CAMK4: variants seen among roughly 807,000 people sequenced by gnomAD.
CAMK4 encodes the protein calcium/calmodulin dependent protein kinase IV.
Under a neutral mutation model 44.9 loss-of-function variants are expected in CAMK4, and 22 were observed. The observed-to-expected ratio is 0.49, with a 90% CI of 0.35 to 0.70. The LOEUF (loss-of-function observed/expected upper bound fraction) is 0.70, where lower values mean the gene tolerates loss of function less well. CAMK4 is among the 30% of genes least tolerant of loss of function. CAMK4 has a pLI of 0.01. For synonymous variants in CAMK4, 218 were observed against 215.4 expected, an observed-to-expected ratio of 1.01 and a Z score of -0.11; for missense variants, 498 against 586.8, an observed-to-expected ratio of 0.85 and a Z score of 1.56.
chr5:111,368,622 A>G (rs916914820), intron 2 of CAMK4, among the ~76,000 whole-genome samples: 1 of 152,058 alleles, frequency 6.6e-6, no homozygotes, highest in Admixed American at 6.6e-5. Flanking sequence ...TGGCTTCAGT[A>G]TGGTCTTATC....
At chr5:111,419,072 G>A (rs1169335772) in intron 5 of CAMK4, among the ~76,000 whole-genome samples, 9 of 152,090 alleles carry the variant, frequency 5.9e-5, no homozygotes, top group South Asian at 2.1e-4. Flanking sequence ...GTGTAAAAAT[G>A]TTCCTATTTC....
At chr5:111,427,443 G>A (rs1554070822) in intron 5 of CAMK4, among the ~76,000 whole-genome samples, 1 of 152,174 alleles carries the variant, frequency 6.6e-6, no homozygotes, top group Non-Finnish European at 1.5e-5. Flanking sequence ...CACCAAGTGG[G>A]TTCTTGGCAG....
chr5:111,365,383 G>A (rs917825675), intron 2 of CAMK4, among the ~76,000 whole-genome samples: 3 of 152,074 alleles, frequency 2.0e-5, no homozygotes, highest in Admixed American at 6.6e-5. Flanking sequence ...AGGAAGAATC[G>A]AGGAAGTGGT....
chr5:111,235,034 G>A (rs1748651873), intron 1 of CAMK4, among the ~76,000 whole-genome samples: 1 of 152,164 alleles, frequency 6.6e-6, no homozygotes, highest in African/African-American at 2.4e-5. Context: ...CCCTATTTTA[G>A]GTCTTTATGG....
At position 111,418,079 on chromosome 5, in the gene CAMK4, C is replaced by T. The variant is rs1159621265; in HGVS notation, c.459+23297C>T. The stretch of plus-strand genomic sequence containing the variant: ...AAATATATCTGTTGGGGAATCTGCC[C>T]CCATATTCACGTAGGTTCTTTTCTG... On this transcript the variant is annotated intron_variant, in intron 5 of 10. Coordinates refer to ENST00000282356, the MANE Select transcript of CAMK4 (RefSeq NM_001744.6). Among the ~76,000 whole-genome samples, 4 of 151,972 alleles carry T rather than the reference C, an allele frequency of 2.6e-5. No homozygotes were observed. The East Asian group carries it at 7.7e-4, about 29-fold the overall frequency.
chr5:111,460,184 G>A (rs1477282983), intron 7 of CAMK4, among the ~76,000 whole-genome samples: 1 of 150,742 alleles, frequency 6.6e-6, no homozygotes, highest in Non-Finnish European at 1.5e-5. Flanking sequence ...AGTTTTGCAA[G>A]AATTATTATT....
chr5:111,268,462 C>A (rs1044999778), intron 1 of CAMK4, among the ~76,000 whole-genome samples: 1 of 152,084 alleles, frequency 6.6e-6, no homozygotes, highest in African/African-American at 2.4e-5. Flanking sequence ...TTTGGCAAGC[C>A]CCTTGAATTT....
In CAMK4 at chr5:111,440,666, A is replaced by C. The variant is rs542610575; in HGVS notation, c.460-6020A>C. ...TATTAAATTAGAAAAAGGAATCAAA[A>C]GCCAGGTAGAGGAAGGAAGAGGTAA... is the stretch of plus-strand genomic sequence containing the variant. On this transcript the variant is annotated intron_variant, in intron 5 of 10. Transcript: ENST00000282356. 2.0e-5 allele frequency among the ~76,000 whole-genome samples: 3 copies of C among 152,356 alleles called. No homozygotes were observed. The East Asian group carries it at 5.8e-4, about 29-fold the overall frequency.
chr5:111,476,358 C>T (rs1290185644), intron 8 of CAMK4, among the ~76,000 whole-genome samples: 1 of 151,850 alleles, frequency 6.6e-6, no homozygotes. Flanking sequence ...CGGCTCACTG[C>T]AACCTCCGCC....
rs1749170985 is a variant in CAMK4 at position 111,245,057 on chromosome 5, T to C, written c.161+20413T>C. ...ATTGATGGATTGATGAATATATTAC[T>C]AGAATATTTAGCAAAACTCACATGG... On this transcript the variant is annotated intron_variant, in intron 1 of 10. Coordinates refer to ENST00000282356, the MANE Select transcript of CAMK4 (RefSeq NM_001744.6). Among the ~76,000 whole-genome samples, 3 of 152,174 alleles carry C rather than the reference T, an allele frequency of 2.0e-5. No individual in the cohort carries two copies. In the South Asian group the frequency reaches 6.2e-4, roughly 32 times the overall value.
intron 5 of CAMK4, among the ~76,000 whole-genome samples, chr5:111,399,241 T>C (rs907838723): frequency 6.6e-6 from 1 of 152,008 alleles, no homozygotes; most frequent in African/African-American, 2.4e-5. Context: ...CATCTCAGAG[T>C]AGTTGTCATT....
At chr5:111,316,765 G>GAGCAAGC (rs1158257383) in intron 1 of CAMK4, among the ~76,000 whole-genome samples, 1 of 152,104 alleles carries the variant, frequency 6.6e-6, no homozygotes, top group Non-Finnish European at 1.5e-5. Flanking sequence ...AAATCACCAG[G>GAGCAAGC]AGCAAGCAAT....
chr5:111,346,141 T>C (rs540076577), intron 2 of CAMK4, among the ~76,000 whole-genome samples: 55 of 152,066 alleles, frequency 3.6e-4, no homozygotes, highest in Non-Finnish European at 7.8e-4. Context: ...TCACGGAGAC[T>C]GAAACTTCCT....
intron 4 of CAMK4, among the ~76,000 whole-genome samples, chr5:111,388,047 AG>A (rs1453070630): frequency 5.9e-5 from 9 of 152,196 alleles, no homozygotes; most frequent in Admixed American, 5.9e-4. Context: ...GGGATGTCTG[AG>A]TTTCAGAAAA....
intron 1 of CAMK4, among the ~76,000 whole-genome samples, chr5:111,322,312 G>T (rs2112697600): frequency 1.3e-5 from 2 of 152,120 alleles, no homozygotes; most frequent in East Asian, 3.9e-4. Flanking sequence ...GCCAGGCCAG[G>T]GTGGAGAAAC....
At chr5:111,241,321 G>A (rs1358221532) in intron 1 of CAMK4, among the ~76,000 whole-genome samples, 1 of 152,084 alleles carries the variant, frequency 6.6e-6, no homozygotes, top group African/African-American at 2.4e-5. Context: ...TACTGGACAA[G>A]TATCCTGTGG....
intron 2 of CAMK4, among the ~76,000 whole-genome samples, chr5:111,357,235 A>C (rs1436488935): frequency 6.6e-6 from 1 of 152,076 alleles, no homozygotes; most frequent in Non-Finnish European, 1.5e-5. Context: ...GAGTTTAAGA[A>C]CTTCTCAGAG....
rs140431278 is a variant in CAMK4 at position 111,414,653 on chromosome 5, G to T, written c.459+19871G>T. On this transcript the variant is annotated intron_variant, in intron 5 of 10. Transcript: ENST00000282356. ...TGTTCTTGGAAAAACAAAATCTATTGGATTGTAGAAGCAGTGAAAAATATT... is the reference window on the plus strand; with the variant it reads ...TGTTCTTGGAAAAACAAAATCTATTTGATTGTAGAAGCAGTGAAAAATATT... 4.2e-3 allele frequency among the ~76,000 whole-genome samples: 638 copies of T among 152,098 alleles called. 10 individuals carry two copies. Among genetic ancestry groups the T allele is most frequent in the Non-Finnish European group, 2.5e-3 (173 of 67,990 alleles).
At chr5:111,278,967 C>T (rs1419215141) in intron 1 of CAMK4, among the ~76,000 whole-genome samples, 1 of 152,164 alleles carries the variant, frequency 6.6e-6, no homozygotes, top group Non-Finnish European at 1.5e-5. Flanking sequence ...CGGTAGGGTA[C>T]CGCAATACAA....
Sources: gnomAD v4.1 joint callset for allele counts (sites outside exome capture counted in the v4.1 genomes callset) on GRCh38, gnomAD v4.1.1 for gene constraint, MANE v1.5 for transcripts, NCBI Gene and HGNC (gene_info 2026-07-23, HGNC 2026-07-21) for gene names.